Variants in NXPE2 observed in about 807,000 individuals in gnomAD.
The protein encoded by NXPE2 is neurexophilin and PC-esterase domain family member 2.
In NXPE2, 34 loss-of-function variants were observed where a neutral mutation model predicts 34.4. That is an observed-to-expected ratio of 0.99 (90% CI 0.75 to 1.31). NXPE2 has a LOEUF of 1.31. NXPE2 is among the 40% of genes most tolerant of loss of function. The pLI, the probability that NXPE2 is intolerant of heterozygous loss-of-function variation, is 0.00. For synonymous variants in NXPE2, 235 were observed against 231.3 expected, an observed-to-expected ratio of 1.02 and a Z score of -0.15; for missense variants, 649 against 672.5, an observed-to-expected ratio of 0.97 and a Z score of 0.39.
At chr11:114,669,797 T>C in the NXPE2 span, among the ~76,000 whole-genome samples, 1 of 152,080 alleles carries the variant, frequency 6.6e-6, no homozygotes, top group African/African-American at 2.4e-5. Flanking sequence ...AAAAAAACTC[T>C]TCCAAAGATA....
chr11:114,626,987 T>C, the NXPE2 span, among the ~76,000 whole-genome samples: 433 of 151,804 alleles, frequency 2.9e-3, 5 homozygotes, highest in Admixed American at 0.019. Context: ...TAAAAAGAAA[T>C]GAACAAAGCC....
chr11:114,613,838 T>C, the NXPE2 span, among the ~76,000 whole-genome samples: 1 of 151,812 alleles, frequency 6.6e-6, no homozygotes, highest in Non-Finnish European at 1.5e-5. Context: ...TGTTACCCTG[T>C]GGATAATACG....
At chr11:114,791,151 A>T in the NXPE2 span, among the ~76,000 whole-genome samples, 302 of 151,686 alleles carry the variant, frequency 2.0e-3, 3 homozygotes, top group African/African-American at 7.1e-3. Flanking sequence ...GCTAACTCTC[A>T]CCAAAGTTGA....
chr11:114,556,285 A>G, the NXPE2 span, among the ~76,000 whole-genome samples: 1 of 152,222 alleles, frequency 6.6e-6, no homozygotes, highest in Non-Finnish European at 1.5e-5. Flanking sequence ...CTGGAACTCA[A>G]AACCTACAAA....
the NXPE2 span, among the ~76,000 whole-genome samples, chr11:114,797,798 A>G: frequency 2.0e-5 from 3 of 152,162 alleles, no homozygotes; most frequent in Non-Finnish European, 4.4e-5. Context: ...TGCTTATATT[A>G]TAATACTGTG....
At chr11:114,657,279 C>T in the NXPE2 span, among the ~76,000 whole-genome samples, 14 of 152,208 alleles carry the variant, frequency 9.2e-5, no homozygotes, top group East Asian at 2.5e-3. Context: ...GGTTCTTAGC[C>T]AGGGGTCCCC....
At chr11:114,470,904 A>G in the NXPE2 span, among the ~76,000 whole-genome samples, 1 of 152,214 alleles carries the variant, frequency 6.6e-6, no homozygotes, top group Non-Finnish European at 1.5e-5. Context: ...AAATACCTTT[A>G]CAGCAACATC....
downstream of NXPE2, among the ~76,000 whole-genome samples, chr11:114,710,753 C>G (rs1565394497): frequency 6.6e-6 from 1 of 151,924 alleles, no homozygotes. Context: ...TTCTATGAGG[C>G]AAGTATTACC....
chr11:114,663,637 C>CATCTATTTATCATCT, the NXPE2 span, among the ~76,000 whole-genome samples: 1 of 138,754 alleles, frequency 7.2e-6, no homozygotes, highest in South Asian at 2.5e-4. Flanking sequence ...ATCTATCTAT[C>CATCTATTTATCATCT]ATCTATCCAT....
the NXPE2 span, among the ~76,000 whole-genome samples, chr11:114,650,813 C>T: frequency 6.6e-6 from 1 of 151,482 alleles, no homozygotes; most frequent in African/African-American, 2.4e-5. Context: ...CAGGTACTTG[C>T]CAAAGACAAA....
At chr11:114,640,774 T>C in the NXPE2 span, among the ~76,000 whole-genome samples, 1 of 152,074 alleles carries the variant, frequency 6.6e-6, no homozygotes, top group African/African-American at 2.4e-5. Context: ...TGTGTGTCCA[T>C]GTAATTTACT....
chr11:114,634,794 G>C, the NXPE2 span, among the ~76,000 whole-genome samples: 1 of 151,944 alleles, frequency 6.6e-6, no homozygotes, highest in Middle Eastern at 3.2e-3. Flanking sequence ...CATTATTTCT[G>C]AGGGCTCTGT....
chr11:114,583,942 T>A, the NXPE2 span: 4 of 392,124 alleles, frequency 1.0e-5, no homozygotes, highest in Non-Finnish European at 2.0e-5. Context: ...TGCTCCTAGA[T>A]GGGATTGATG....
At chr11:114,775,600 A>G in the NXPE2 span, among the ~76,000 whole-genome samples, 2 of 152,224 alleles carry the variant, frequency 1.3e-5, no homozygotes, top group Non-Finnish European at 2.9e-5. Flanking sequence ...CCTGGCATGT[A>G]GGTGTCCCCC....
the NXPE2 span, among the ~76,000 whole-genome samples, chr11:114,782,275 C>T: frequency 2.0e-5 from 3 of 152,182 alleles, no homozygotes; most frequent in Non-Finnish European, 4.4e-5. Flanking sequence ...TTCCGCAAGG[C>T]AGCTAGGCCC....
chr11:114,467,855 G>A, the NXPE2 span, among the ~76,000 whole-genome samples: 1 of 152,056 alleles, frequency 6.6e-6, no homozygotes, highest in Non-Finnish European at 1.5e-5. Context: ...AGGATCACTT[G>A]AACTTGGGAG....
upstream of NXPE2, among the ~76,000 whole-genome samples, chr11:114,676,912 A>G (rs771302102): frequency 1.3e-5 from 2 of 152,032 alleles, no homozygotes; most frequent in Non-Finnish European, 2.9e-5. Context: ...ACACATAAAC[A>G]GTTGGGTGTT....
chr11:114,722,417 T>C, the NXPE2 span, among the ~76,000 whole-genome samples: 12 of 146,206 alleles, frequency 8.2e-5, no homozygotes, highest in Non-Finnish European at 1.6e-4. Flanking sequence ...TTAAACCTCT[T>C]TTTTTTTTTT....
At chr11:114,595,054 G>A in the NXPE2 span, among the ~76,000 whole-genome samples, 1 of 152,048 alleles carries the variant, frequency 6.6e-6, no homozygotes, top group Non-Finnish European at 1.5e-5. Context: ...AAGCTTGCTC[G>A]TGTCTAGATG....
Sources: allele counts gnomAD v4.1 joint callset (sites outside exome capture counted in the v4.1 genomes callset), GRCh38; gene constraint gnomAD v4.1.1; transcripts MANE v1.5; gene names NCBI Gene and HGNC (gene_info 2026-07-23, HGNC 2026-07-21).